The following GCLC variants were observed in gnomAD, a reference collection of about 807,000 sequenced individuals.
GCLC encodes glutamate-cysteine ligase catalytic subunit.
In GCLC, 30 loss-of-function variants were observed where a neutral mutation model predicts 81.5. That is an observed-to-expected ratio of 0.37 (90% confidence interval 0.28 to 0.50). The LOEUF (loss-of-function observed/expected upper bound fraction) is 0.50. GCLC is among the 20% of genes least tolerant of loss of function. GCLC has a pLI of 0.96. For missense variants in GCLC, 556 were observed against 777.4 expected, an observed-to-expected ratio of 0.72 and a Z score of 3.39; for synonymous variants, 262 against 273.3, an observed-to-expected ratio of 0.96 and a Z score of 0.41.
intron 1 of GCLC, among the ~76,000 whole-genome samples, chr6:53,534,407 G>A (rs1458348301): frequency 6.6e-6 from 1 of 150,864 alleles, no homozygotes; most frequent in Non-Finnish European, 1.5e-5. Flanking sequence ...GATAGAAAAA[G>A]TGGGAAACAC....
chr6:53,533,668 A>T (rs954499404), intron 1 of GCLC, among the ~76,000 whole-genome samples: 3 of 152,202 alleles, frequency 2.0e-5, no homozygotes, highest in Non-Finnish European at 1.5e-5. Context: ...AAAAATTGTT[A>T]AAAAATACAA....
chr6:53,499,046 C>T, intron 15 of GCLC, 79 bp from the exon 16 acceptor site: 1 of 861,756 alleles, frequency 1.2e-6, no homozygotes, highest in Non-Finnish European at 2.0e-6. Flanking sequence ...TAGTGGTCAG[C>T]ATAAACACAA....
At chr6:53,533,692 T>C (rs1228096416) in intron 1 of GCLC, among the ~76,000 whole-genome samples, 1 of 151,964 alleles carries the variant, frequency 6.6e-6, no homozygotes, top group African/African-American at 2.4e-5. Context: ...AAAGAATCTA[T>C]ATATATAAAC....
intron 12 of GCLC, chr6:53,505,145 C>A: frequency 2.2e-6 from 1 of 459,716 alleles, no homozygotes. Context: ...TGTAATCAAC[C>A]TGGGATTTTG....
intron 3 of GCLC, among the ~76,000 whole-genome samples, chr6:53,517,084 T>A (rs558495203): frequency 0.16 from 22,326 of 136,222 alleles, 1,609 homozygotes; most frequent in Non-Finnish European, 0.2. Flanking sequence ...AAAAAATTTT[T>A]TTTTTTTTTT....
chr6:53,516,417 G>T (rs1352763753), intron 3 of GCLC, among the ~76,000 whole-genome samples, 195 bp from the exon 4 acceptor site: 1 of 152,152 alleles, frequency 6.6e-6, no homozygotes, highest in Non-Finnish European at 1.5e-5. Flanking sequence ...TTGCTCACAA[G>T]GATCTTCTTT....
At chr6:53,540,572 T>C (rs1244091323) in intron 1 of GCLC, among the ~76,000 whole-genome samples, 2 of 152,058 alleles carry the variant, frequency 1.3e-5, no homozygotes, top group African/African-American at 2.4e-5. Flanking sequence ...AAACTAGTTC[T>C]AGAGATCTGT....
rs533534004 is a variant in GCLC, at chr6:53,539,324, A to G, written c.150+5172T>C. Among the ~76,000 whole-genome samples, 24 of 152,306 alleles carry G rather than the reference A, an allele frequency of 1.6e-4. No homozygotes were observed. The South Asian group carries it at 4.8e-3, about 30-fold the overall frequency. On this transcript the variant is annotated intron_variant, in intron 1 of 15. Transcript: ENST00000650454. ...GTTTCCCACAGAAGCAGCACAGTAA[A>G]TGGTGGCTAGAGTTAGGACCTGTCA...
At chr6:53,505,970 T>C (rs1166266547) in intron 10 of GCLC, 75 bp from the exon 11 acceptor site, 1 of 858,802 alleles carries the variant, frequency 1.2e-6, no homozygotes, top group Non-Finnish European at 2.0e-6. Flanking sequence ...TGGTATTTAA[T>C]TAAGGAAGAA....
At chr6:53,522,322 T>C in intron 2 of GCLC, 93 bp downstream of exon 2, 1 of 794,294 alleles carries the variant, frequency 1.3e-6, no homozygotes, top group Non-Finnish European at 2.2e-6. Context: ...TCTTAACTGT[T>C]AGGCTATCCT....
In GCLC at chr6:53,509,053, A is replaced by G; in HGVS notation, c.828+123T>C. On this transcript the variant is annotated intron_variant, in intron 7 of 15. Transcript: ENST00000650454. ...TTATACCTAAACCTACATACTATTT[A>G]TATTAGTCCATCTCTGACTGAGGTC... 7.1e-6 allele frequency: 5 copies of G among 704,198 alleles called. No homozygotes were observed. The East Asian group carries it at 1.1e-4, about 15-fold the overall frequency. 43.6% of individuals were successfully genotyped at this position (704,198 alleles called of 1,614,324 possible).
intron 1 of GCLC, among the ~76,000 whole-genome samples, chr6:53,534,243 GA>G (rs1763221110): frequency 6.6e-6 from 1 of 152,166 alleles, no homozygotes; most frequent in Non-Finnish European, 1.5e-5. Flanking sequence ...TGATAACAGA[GA>G]TACTAAATGA....
At position 53,498,765 on chromosome 6, in the gene GCLC, T is replaced by C; in HGVS notation, c.1905A>G (p.Ser635=). 4 of 1,596,308 alleles carry C rather than the reference T, an allele frequency of 2.5e-6. No individual in the cohort carries two copies. Among genetic ancestry groups the C allele is most frequent in the Non-Finnish European group, 3.4e-6 (4 of 1,164,554 alleles). ...KVKYSGSKTD[S]SN ...TCTTTCTGTAGAATGTCTAGTTGGA[T>C]GAGTCAGTTTTACTTCCACTATATT... The change falls in exon 16 of 16, where the codon TCA becomes TCG. Residue 635 remains serine (S), a synonymous_variant. Coordinates refer to ENST00000650454, the MANE Select transcript of GCLC (RefSeq NM_001498.4).
intron 1 of GCLC, among the ~76,000 whole-genome samples, chr6:53,539,359 T>C (rs2127631210): frequency 6.6e-6 from 1 of 152,222 alleles, no homozygotes. Context: ...ATATTAAAGG[T>C]GAAACAGGCA....
chr6:53,542,635 AT>A (rs1042651932), intron 1 of GCLC, among the ~76,000 whole-genome samples: 10 of 151,972 alleles, frequency 6.6e-5, no homozygotes, highest in African/African-American at 2.4e-4. Context: ...TGTGCTGCAA[AT>A]TTCCTGTTGA....
intron 1 of GCLC, among the ~76,000 whole-genome samples, chr6:53,528,840 T>G (rs572612548): frequency 3.9e-5 from 6 of 152,224 alleles, no homozygotes; most frequent in Admixed American, 6.5e-5. Flanking sequence ...CAATATTGTC[T>G]CAGCCCAAAC....
intron 12 of GCLC, among the ~76,000 whole-genome samples, chr6:53,502,140 A>T (rs1196424280): frequency 6.6e-6 from 1 of 152,172 alleles, no homozygotes; most frequent in Non-Finnish European, 1.5e-5. Context: ...ATTTTCTTTA[A>T]TTTTTGTAAA....
At chr6:53,505,219 T>G in intron 12 of GCLC, 173 bp downstream of exon 12, 1 of 595,688 alleles carries the variant, frequency 1.7e-6, no homozygotes, top group Non-Finnish European at 3.0e-6. Context: ...GGAAAGCGTC[T>G]AGAAATTAAG....
chr6:53,521,008 C>T (rs747772232), intron 2 of GCLC, 48 bp from the exon 3 acceptor site: 18 of 1,474,956 alleles, frequency 1.2e-5, no homozygotes, highest in Middle Eastern at 1.8e-4. Flanking sequence ...TTGCTATAGT[C>T]TGCTCAATTT....
Sources: allele counts gnomAD v4.1 joint callset (sites outside exome capture counted in the v4.1 genomes callset), GRCh38; gene constraint gnomAD v4.1.1; transcripts MANE v1.5; gene names NCBI Gene and HGNC (gene_info 2026-07-23, HGNC 2026-07-21).